RANBP17: variants seen among roughly 807,000 people sequenced by gnomAD.
The protein encoded by RANBP17 is RAN binding protein 17.
RANBP17 carries 158 observed loss-of-function variants against 141.2 expected under a neutral mutation model. The ratio of observed to expected loss-of-function variants is 1.12; its 90% CI spans 0.98 to 1.28. RANBP17 has a LOEUF of 1.28. Among genes scored for constraint, RANBP17 ranks in the 50% most tolerant of loss-of-function variants. RANBP17 has a pLI of 0.00. For synonymous variants in RANBP17, 430 were observed against 450.0 expected, an observed-to-expected ratio of 0.96 and a Z score of 0.56; for missense variants, 1,438 against 1,290.7, an observed-to-expected ratio of 1.11 and a Z score of -1.75.
At chr5:171,290,009 G>T (rs1202493887) in intron 25 of RANBP17, among the ~76,000 whole-genome samples, 1 of 149,914 alleles carries the variant, frequency 6.7e-6, no homozygotes, top group Admixed American at 6.8e-5. Context: ...TAGCCTTGGT[G>T]ATAGTGACAG....
intron 14 of RANBP17, among the ~76,000 whole-genome samples, chr5:171,097,791 C>T (rs1786811171): frequency 6.6e-6 from 1 of 151,996 alleles, no homozygotes; most frequent in South Asian, 2.1e-4. Context: ...CCCCTTGCCC[C>T]ACACTCCCCA....
At chr5:171,271,095 T>C (rs1767087306) in intron 25 of RANBP17, 1 of 122,740 alleles carries the variant, frequency 8.1e-6, no homozygotes. Flanking sequence ...TTTTTTTTTT[T>C]TTTTTTTTTT....
chr5:170,977,622 A>G (rs79609405), intron 14 of RANBP17, among the ~76,000 whole-genome samples: 4,459 of 152,206 alleles, frequency 0.029, 216 homozygotes, highest in African/African-American at 0.099. Context: ...ATGGATAGAT[A>G]AAATTTGGTA....
In RANBP17 at chr5:171,293,932, A is replaced by G. The variant is rs1428577421; in HGVS notation, c.2993A>G (p.Gln998Arg). The G allele has an allele frequency of 6.2e-7, 1 of 1,613,976 alleles. No individual in the cohort carries two copies. The highest frequency in any genetic ancestry group is 8.5e-7 in the Non-Finnish European group (1 of 1,179,896). ...ATTGTCTTTGAAGACTGTCGGAACCAGTGGTCAGTATCCAGGCCTCTCCTG... is the reference window on the plus strand; with the variant it reads ...ATTGTCTTTGAAGACTGTCGGAACCGGTGGTCAGTATCCAGGCCTCTCCTG... ...NTIVFEDCRN[Q>R]WSVSRPLLGL... Residue 998 changes from glutamine to arginine, a missense_variant, in exon 26 of 28, where the codon CAG (glutamine) becomes CGG (arginine). Transcript: ENST00000523189.
At chr5:171,274,161 C>CGCGT (rs768115523) in intron 25 of RANBP17, among the ~76,000 whole-genome samples, 1 of 142,802 alleles carries the variant, frequency 7.0e-6, no homozygotes, top group Non-Finnish European at 1.6e-5. Flanking sequence ...CGCGCGCGCG[C>CGCGT]GCGTGCGCAA....
At chr5:171,252,494 A>G in intron 24 of RANBP17, 1 of 1,448,086 alleles carries the variant, frequency 6.9e-7, no homozygotes, top group Non-Finnish European at 9.7e-7. Flanking sequence ...CTATGCAGTG[A>G]GTACAAGTAT....
At chr5:171,046,114 C>T (rs1366187718) in intron 14 of RANBP17, among the ~76,000 whole-genome samples, 2 of 151,992 alleles carry the variant, frequency 1.3e-5, no homozygotes, top group Admixed American at 6.6e-5. Flanking sequence ...TATAAATTAT[C>T]TGCCCCATAT....
chr5:170,948,203 T>C (rs771521930), intron 12 of RANBP17, among the ~76,000 whole-genome samples: 1 of 152,136 alleles, frequency 6.6e-6, no homozygotes, highest in Admixed American at 6.6e-5. Flanking sequence ...TTTTGTAAGA[T>C]GAGTATATCA....
chr5:171,135,104 C>T (rs1757179210), intron 14 of RANBP17, among the ~76,000 whole-genome samples: 1 of 150,606 alleles, frequency 6.6e-6, no homozygotes, highest in Non-Finnish European at 1.5e-5. Flanking sequence ...TCTGTCTCTA[C>T]TAAAAATAAA....
At position 171,053,892 on chromosome 5, in the gene RANBP17, TA is replaced by T. The variant is rs1425364115; in HGVS notation, c.1710+85516del. Among the ~76,000 whole-genome samples the T allele has an allele frequency of 5.6e-5, 7 of 124,428 alleles. No homozygotes were observed. In the South Asian group the frequency reaches 1.0e-3, roughly 18 times the overall value. The allele number at this position is 124,428 out of a possible 152,430, so 81.6% of individuals were successfully genotyped here. A position where few individuals can be genotyped will look rare whatever the true frequency, so the allele number is the denominator to read the frequency against. ...AGTGTTTAGTTCATATATATATATA[TA>T]TATATATATATATATATATATATAT... is the stretch of plus-strand genomic sequence containing the variant. On this transcript the variant is annotated intron_variant, in intron 14 of 27. Coordinates refer to ENST00000523189, the MANE Select transcript of RANBP17 (RefSeq NM_022897.5).
intron 14 of RANBP17, chr5:170,968,592 A>G (rs1776764033): frequency 1.7e-6 from 1 of 603,238 alleles, no homozygotes; most frequent in Non-Finnish European, 3.1e-6. Context: ...GAGGTAATGA[A>G]TATGTTTTAC....
At chr5:170,864,727 AC>A (rs1433603291) in intron 1 of RANBP17, among the ~76,000 whole-genome samples, 1 of 152,328 alleles carries the variant, frequency 6.6e-6, no homozygotes, top group Non-Finnish European at 1.5e-5. Context: ...TTTGCTCAGG[AC>A]TGTTTAAGAA....
chr5:171,042,736 A>C (rs1167605909), intron 14 of RANBP17, among the ~76,000 whole-genome samples: 2 of 152,080 alleles, frequency 1.3e-5, no homozygotes, highest in African/African-American at 4.8e-5. Context: ...AGTGTGCCAA[A>C]TGTTTTCTAA....
chr5:170,865,172 C>T (rs1581644347), intron 1 of RANBP17, among the ~76,000 whole-genome samples: 1 of 152,102 alleles, frequency 6.6e-6, no homozygotes, highest in South Asian at 2.1e-4. Context: ...CAGTGATTCT[C>T]TTGCCTCAGC....
chr5:171,012,118 AAAT>A (rs1318844190), intron 14 of RANBP17, among the ~76,000 whole-genome samples: 1 of 151,924 alleles, frequency 6.6e-6, no homozygotes, highest in Non-Finnish European at 1.5e-5. Flanking sequence ...TTGTTTAAAC[AAAT>A]AATATAATTT....
intron 12 of RANBP17, among the ~76,000 whole-genome samples, chr5:170,952,053 A>C (rs553354031): frequency 6.6e-6 from 1 of 152,092 alleles, no homozygotes; most frequent in African/African-American, 2.4e-5. Flanking sequence ...AAGATCACCT[A>C]CTCCATATTC....
At chr5:171,063,648 C>G (rs556281117) in intron 14 of RANBP17, among the ~76,000 whole-genome samples, 11 of 152,366 alleles carry the variant, frequency 7.2e-5, no homozygotes, top group South Asian at 2.1e-4. Context: ...TGCCCGTTCT[C>G]AGATCTCAAA....
intron 21 of RANBP17, among the ~76,000 whole-genome samples, chr5:171,220,644 C>T (rs887753616): frequency 2.6e-5 from 4 of 151,916 alleles, no homozygotes; most frequent in African/African-American, 7.2e-5. Flanking sequence ...GACAGGGTTT[C>T]GCCATATTGG....
chr5:171,240,881 T>C (rs1202737222), intron 22 of RANBP17, 47 bp from the exon 23 acceptor site: 1 of 1,286,174 alleles, frequency 7.8e-7, no homozygotes, highest in Non-Finnish European at 1.1e-6. Flanking sequence ...CATAACTACT[T>C]TGAATGACAT....
Sources: allele counts gnomAD v4.1 joint callset (sites outside exome capture counted in the v4.1 genomes callset), GRCh38; gene constraint gnomAD v4.1.1; transcripts MANE v1.5; gene names NCBI Gene and HGNC (gene_info 2026-07-23, HGNC 2026-07-21).